The following LAPTM4B variants were observed in gnomAD, a reference collection of about 807,000 sequenced individuals.
The protein encoded by LAPTM4B is lysosomal protein transmembrane 4 beta, also known as lysosomal-associated transmembrane protein 4B.
Under a neutral mutation model 28.5 loss-of-function variants are expected in LAPTM4B, and 26 were observed. The observed-to-expected ratio is 0.91, with a 90% CI of 0.67 to 1.27. The LOEUF (loss-of-function observed/expected upper bound fraction) is 1.27, where lower values mean the gene tolerates loss of function less well. Among genes scored for constraint, LAPTM4B ranks in the 50% most tolerant of loss-of-function variants. The pLI is 0.00. For missense variants in LAPTM4B, 288 were observed against 285.8 expected, an observed-to-expected ratio of 1.01 and a Z score of -0.06; for synonymous variants, 109 against 106.4, an observed-to-expected ratio of 1.02 and a Z score of -0.15.
chr8:97,832,054 T>C (rs568267233), intron 6 of LAPTM4B, among the ~76,000 whole-genome samples: 1 of 152,290 alleles, frequency 6.6e-6, no homozygotes, highest in African/African-American at 2.4e-5. Flanking sequence ...AATATACTTC[T>C]AGTTGTTTTT....
At chr8:97,848,968 T>C (rs1375996473) in intron 6 of LAPTM4B, among the ~76,000 whole-genome samples, 1 of 152,216 alleles carries the variant, frequency 6.6e-6, no homozygotes, top group Non-Finnish European at 1.5e-5. Context: ...TTGGAATTGC[T>C]AGTGGAGATG....
intron 4 of LAPTM4B, among the ~76,000 whole-genome samples, chr8:97,818,870 G>GGA (rs377039308): frequency 5.1e-5 from 6 of 117,998 alleles, no homozygotes; most frequent in Middle Eastern, 4.4e-3. Context: ...TCTCAAAAAA[G>GGA]AAAAAAAAAA....
rs71570268 is a variant in LAPTM4B at position 97,820,304 on chromosome 8, C to CTTTTTTTT, written c.507+1075_507+1082dup. Among the ~76,000 whole-genome samples the CTTTTTTTT allele has an allele frequency of 3.8e-3, 481 of 128,172 alleles. 7 individuals carry two copies. Among genetic ancestry groups the CTTTTTTTT allele is most frequent in the Non-Finnish European group, 5.0e-3 (311 of 62,122 alleles). The allele number at this position is 128,172 out of a possible 152,430, so 84.1% of individuals were successfully genotyped here. A position where few individuals can be genotyped will look rare whatever the true frequency, so the allele number is the denominator to read the frequency against. Reference sequence around the variant, plus strand: ...TTTTTTTATTTATTTTTCTTTCTTTCTTTTTTTTTTTTTTTTGAGGTAGGG... The same window carrying CTTTTTTTT: ...TTTTTTTATTTATTTTTCTTTCTTTCTTTTTTTTTTTTTTTTTTTTTTTTGAGGTAGGG... On this transcript the variant is annotated intron_variant, in intron 5 of 6. Transcript: ENST00000521545.
chr8:97,793,269 T>G (rs1367604943), intron 1 of LAPTM4B, among the ~76,000 whole-genome samples: 1 of 152,196 alleles, frequency 6.6e-6, no homozygotes, highest in Non-Finnish European at 1.5e-5. Context: ...ATTCTACATT[T>G]TACTTGGCTG....
intron 6 of LAPTM4B, among the ~76,000 whole-genome samples, chr8:97,844,815 G>A (rs993434667): frequency 2.6e-5 from 4 of 152,188 alleles, no homozygotes; most frequent in African/African-American, 9.7e-5. Flanking sequence ...GGAATGGGTA[G>A]TCTTTGCCTG....
intron 4 of LAPTM4B, 52 bp from the exon 5 acceptor site, chr8:97,819,088 A>G: frequency 9.2e-7 from 1 of 1,087,444 alleles, no homozygotes; most frequent in Non-Finnish European, 1.4e-6. Context: ...CCCAAGGAAT[A>G]CTGTCTGGAA....
intron 6 of LAPTM4B, among the ~76,000 whole-genome samples, chr8:97,829,853 T>C (rs551938363): frequency 3.0e-4 from 46 of 152,126 alleles, no homozygotes; most frequent in African/African-American, 1.1e-3. Flanking sequence ...CGCACCACCA[T>C]TCCCAGCTAA....
chr8:97,813,856 C>T (rs144646863), intron 2 of LAPTM4B, among the ~76,000 whole-genome samples: 1 of 151,942 alleles, frequency 6.6e-6, no homozygotes, highest in Non-Finnish European at 1.5e-5. Flanking sequence ...ACAATGAAAA[C>T]CAATATTATT....
intron 1 of LAPTM4B, among the ~76,000 whole-genome samples, chr8:97,778,790 T>C (rs2449506): frequency 0.25 from 37,223 of 151,858 alleles, 6,132 homozygotes; most frequent in African/African-American, 0.46. Context: ...GCCCCTTCTT[T>C]AGGGCCAAGA....
intron 1 of LAPTM4B, among the ~76,000 whole-genome samples, chr8:97,786,207 A>T (rs1436374390): frequency 6.6e-6 from 1 of 152,080 alleles, no homozygotes; most frequent in Non-Finnish European, 1.5e-5. Context: ...TTATTGGTTA[A>T]CTCATTGTGC....
rs147765464 is a variant in LAPTM4B, at chr8:97,831,701, G to A, written c.603+6548G>A. On this transcript the variant is annotated intron_variant, in intron 6 of 6. Coordinates refer to ENST00000521545, the MANE Select transcript of LAPTM4B (RefSeq NM_018407.6). The stretch of plus-strand genomic sequence containing the variant: ...GGACTGGTAGAACAGGTTTTCAGAA[G>A]AAGAATAGGTGGGAGTGATAGATGA... 5.7e-3 allele frequency among the ~76,000 whole-genome samples: 871 copies of A among 152,306 alleles called. 6 individuals are homozygous for A. Among genetic ancestry groups the A allele is most frequent in the Non-Finnish European group, 9.4e-3 (641 of 68,034 alleles).
chr8:97,786,182 A>G (rs892489151), intron 1 of LAPTM4B, among the ~76,000 whole-genome samples: 19 of 152,106 alleles, frequency 1.2e-4, no homozygotes, highest in Non-Finnish European at 4.4e-5. Context: ...TGGAGACTGA[A>G]TGAGAGTTGT....
intron 6 of LAPTM4B, among the ~76,000 whole-genome samples, chr8:97,837,350 G>A (rs922299557): frequency 2.0e-5 from 3 of 151,950 alleles, no homozygotes; most frequent in African/African-American, 7.3e-5. Context: ...ATGCCACTAT[G>A]CCTGGCTAAT....
chr8:97,816,183 A>G lies in LAPTM4B; in HGVS notation c.408+3A>G, dbSNP rs1007782483. On this transcript the variant is annotated splice_donor_region_variant and intron_variant, in intron 4 of 6. Transcript: ENST00000521545. The stretch of plus-strand genomic sequence containing the variant: ...TTCAGGAATACATACGGCAACTGGT[A>G]CGTGGACCTCTTACTGCTCCTTTTC... The G allele has an allele frequency of 2.5e-6, 4 of 1,576,130 alleles. No homozygotes were observed. In the African/African-American group the frequency reaches 4.0e-5, roughly 16 times the overall value.
chr8:97,800,449 A>ACATTCTT (rs1816652525), intron 1 of LAPTM4B, among the ~76,000 whole-genome samples: 1 of 145,026 alleles, frequency 6.9e-6, no homozygotes, highest in African/African-American at 2.6e-5. Flanking sequence ...TGGCCAGATG[A>ACATTCTT]CATTCTTCCC....
intron 6 of LAPTM4B, among the ~76,000 whole-genome samples, chr8:97,828,376 G>A (rs1344403141): frequency 6.6e-6 from 1 of 152,152 alleles, no homozygotes; most frequent in Non-Finnish European, 1.5e-5. Context: ...TTAGTGATTA[G>A]TAATAGCTTG....
intron 6 of LAPTM4B, among the ~76,000 whole-genome samples, chr8:97,828,946 T>G (rs932595984): frequency 2.6e-5 from 4 of 152,006 alleles, no homozygotes; most frequent in Admixed American, 6.6e-5. Flanking sequence ...GCAAACTGGG[T>G]TTTGGGAGTA....
At chr8:97,795,627 T>C (rs1586323811) in intron 1 of LAPTM4B, among the ~76,000 whole-genome samples, 1 of 151,790 alleles carries the variant, frequency 6.6e-6, no homozygotes, top group Non-Finnish European at 1.5e-5. Flanking sequence ...CTGAGGTGGG[T>C]GGATCGCTTG....
rs760412892 is a variant in LAPTM4B at position 97,776,094 on chromosome 8, G to C, written c.85G>C (p.Gly29Arg). Residue 29 changes from glycine to arginine, a missense_variant, in exon 1 of 7, where the codon GGC (glycine) becomes CGC (arginine). Transcript: ENST00000521545. Reference protein sequence around the residue: ...CHVRTGTILLGVWYLIINAVV... With the variant: ...CHVRTGTILLRVWYLIINAVV... ...TGTCCGCACCGGCACCATCCTGCTC[G>C]GCGTCTGGTATCTGGTGAGCGCGGC... 54 of 1,581,844 alleles carry C rather than the reference G, an allele frequency of 3.4e-5. No individual in the cohort carries two copies. Among genetic ancestry groups the C allele is most frequent in the Non-Finnish European group, 4.2e-5 (49 of 1,170,518 alleles).
Sources: allele counts gnomAD v4.1 joint callset (sites outside exome capture counted in the v4.1 genomes callset), GRCh38; gene constraint gnomAD v4.1.1; transcripts MANE v1.5; gene names NCBI Gene and HGNC (gene_info 2026-07-23, HGNC 2026-07-21).